The following BSX variants were observed in gnomAD, a reference collection of about 807,000 sequenced individuals.
BSX encodes brain specific homeobox.
A neutral mutation model predicts 16.9 loss-of-function variants in BSX; 12 were observed. That is an observed-to-expected ratio of 0.71 (90% CI 0.46 to 1.15). BSX has a LOEUF of 1.15. BSX is among the 50% of genes most tolerant of loss of function. The pLI is 0.00. For synonymous variants in BSX, 160 were observed against 136.4 expected, an observed-to-expected ratio of 1.17 and a Z score of -1.20; for missense variants, 292 against 311.8, an observed-to-expected ratio of 0.94 and a Z score of 0.48.
chr11:122,978,790 CTTTTCTTTTTTTTTTTTTT>C (rs1864529405), intron 2 of BSX, among the ~76,000 whole-genome samples: 1 of 72,088 alleles, frequency 1.4e-5, no homozygotes, highest in African/African-American at 4.7e-5. Flanking sequence ...TTTTCTTTTT[CTTTTCTTTTTTTTTTTTTT>C]TTTTTTTTTT....
chr11:122,981,080 C>G (rs188958165), intron 1 of BSX, among the ~76,000 whole-genome samples: 1 of 152,106 alleles, frequency 6.6e-6, no homozygotes, highest in African/African-American at 2.4e-5. Context: ...GAGAGATGGA[C>G]CAAAGTGGCC....
intron 1 of BSX, among the ~76,000 whole-genome samples, chr11:122,980,574 T>A (rs1005450258): frequency 1.3e-5 from 2 of 152,156 alleles, no homozygotes; most frequent in South Asian, 4.1e-4. Context: ...ACTCAACGAA[T>A]TATTCTATTC....
At position 122,977,658 on chromosome 11, in the gene BSX, G is replaced by C; in HGVS notation, c.693C>G (p.His231Gln). The C allele has an allele frequency of 6.2e-7, 1 of 1,608,778 alleles. No individual in the cohort carries two copies. Among genetic ancestry groups the C allele is most frequent in the South Asian group, 1.1e-5 (1 of 91,006 alleles). Reference protein sequence around the residue: ...GDEGELGSGPHVL With the variant: ...GDEGELGSGPQVL ...TCCCCAGCCTGGCGGCTCAGAGCAC[G>C]TGCGGCCCTGAGCCCAGCTCCCCCT... is the stretch of plus-strand genomic sequence containing the variant. Residue 231 changes from histidine to glutamine, a missense_variant, in exon 3 of 3, where the codon CAC becomes CAG. His to Gln is a conservative substitution (Grantham distance 24). Transcript: ENST00000343035. This position sits in a 1 kb window ranked among gnomAD's most constrained non-coding sequence, Gnocchi z 4.5.
chr11:122,978,043 A>C lies in BSX; in HGVS notation c.460-152T>G, dbSNP rs1050597956. 5 of 873,508 alleles carry C rather than the reference A, an allele frequency of 5.7e-6. No individual in the cohort carries two copies. The African/African-American group carries it at 8.5e-5, about 15-fold the overall frequency. 54.1% of individuals were successfully genotyped at this position (873,508 alleles called of 1,614,324 possible). On this transcript the variant is annotated intron_variant, in intron 2 of 2. Coordinates refer to ENST00000343035, the MANE Select transcript of BSX (RefSeq NM_001098169.2). Reference sequence around the variant, plus strand: ...ATAAGTTATCGCCTTAAGCCGAATGAGAATCGAACAGTCTGAGGCTTTCAG... The same window carrying C: ...ATAAGTTATCGCCTTAAGCCGAATGCGAATCGAACAGTCTGAGGCTTTCAG...
chr11:122,979,124 A>G, intron 2 of BSX, 137 bp downstream of exon 2: 1 of 901,056 alleles, frequency 1.1e-6, no homozygotes, highest in Non-Finnish European at 1.7e-6. Context: ...AATTTTACGA[A>G]AGCTCTTGGG....
rs760509770 is a variant in BSX, at chr11:122,981,469, TGAG to T, written c.200_202del (p.Pro67del). ...TCCCTTATGCAGAGGGTGATGGGCG[TGAG>T]GAGCCAAGAGGGTGGGTGTGGGCAT... On this transcript the variant is annotated inframe_deletion, in exon 1 of 3. Transcript: ENST00000343035. The T allele has an allele frequency of 6.3e-7, 1 of 1,576,156 alleles. No homozygotes were observed. The highest frequency in any genetic ancestry group is 1.9e-5 in the Admixed American group (1 of 53,602).
Position 122,977,746 on chromosome 11 carries a change from A to G in BSX, c.605T>C (p.Leu202Pro). The stretch of plus-strand genomic sequence containing the variant: ...CACGAAGGGACCGGCGGGCAGGCTC[A>G]GCCGAGCCTCGGCGGCGGTGGCGGC... The part of the protein sequence containing the change: ...SEAATAAEAR[L>P]SLPAGPFVLT... The change falls in exon 3 of 3, where the codon CTG becomes CCG. Residue 202 changes from leucine to proline, a missense_variant. Leu to Pro is a moderately conservative substitution (Grantham distance 98). This residue lies in a region of BSX where 107 missense variants were observed against 97.1 expected (regional missense o/e 1.10). Transcript: ENST00000343035. The surrounding 1 kb of genome is among the most constrained non-coding windows in gnomAD (Gnocchi z 4.5). 1 of 1,610,726 alleles carries G rather than the reference A, an allele frequency of 6.2e-7. No homozygotes were observed. The highest frequency in any genetic ancestry group is 8.5e-7 in the Non-Finnish European group (1 of 1,179,510).
intron 2 of BSX, among the ~76,000 whole-genome samples, chr11:122,979,040 G>A (rs966250933): frequency 6.6e-6 from 1 of 152,006 alleles, no homozygotes; most frequent in Non-Finnish European, 1.5e-5. Flanking sequence ...TCCTGACCTC[G>A]TGATCCGCCC....
intron 1 of BSX, 34 bp from the exon 2 acceptor site, chr11:122,979,491 G>A (rs759741304): frequency 3.9e-5 from 62 of 1,571,944 alleles, no homozygotes; most frequent in Non-Finnish European, 4.9e-5. Context: ...TGGGCAGAGC[G>A]TGGGTCGCCG....
chr11:122,977,829 G>T lies in BSX; in HGVS notation c.522C>A (p.Asp174Glu), dbSNP rs769586039. ...KHKKQLRKSQ[D>E]EPKAPDGPES... ...CTGGCCCGTCTGGTGCTTTGGGTTC[G>T]TCTTGGCTTTTCCGCAGTTGCTTTT... Residue 174 changes from aspartate to glutamate, a missense_variant, in exon 3 of 3, where the codon GAC (aspartate) becomes GAA (glutamate). Physicochemically the swap from Asp to Glu is conservative, Grantham distance 45. Around this residue, in one of 3 missense-constraint regions of BSX, gnomAD observed 107 missense variants for 97.1 expected, o/e 1.10. Coordinates refer to ENST00000343035, the MANE Select transcript of BSX (RefSeq NM_001098169.2). This position sits in a 1 kb window ranked among gnomAD's most constrained non-coding sequence, Gnocchi z 4.5. 2 of 1,614,016 alleles carry T rather than the reference G, an allele frequency of 1.2e-6. No individual in the cohort carries two copies. The highest frequency in any genetic ancestry group is 2.2e-5 in the East Asian group (1 of 44,880).
chr11:122,980,300 G>A (rs1864553788), intron 1 of BSX, among the ~76,000 whole-genome samples: 1 of 152,080 alleles, frequency 6.6e-6, no homozygotes, highest in African/African-American at 2.4e-5. Flanking sequence ...AAGCAACATC[G>A]GCCAATCCCA....
At chr11:122,979,524 C>G (rs569356947) in intron 1 of BSX, 67 bp from the exon 2 acceptor site, 1 of 1,375,272 alleles carries the variant, frequency 7.3e-7, no homozygotes, top group Non-Finnish European at 1.0e-6. Context: ...CGCTCCGCTC[C>G]CCTCCCCTCC....
intron 2 of BSX, 45 bp downstream of exon 2, chr11:122,979,216 A>G: frequency 6.5e-7 from 1 of 1,548,596 alleles, no homozygotes; most frequent in South Asian, 1.2e-5. Flanking sequence ...TTGAAGGCAG[A>G]GAGGAACGAA....
chr11:122,978,789 TCTTTTC>T (rs1864529277), intron 2 of BSX, among the ~76,000 whole-genome samples: 1 of 111,638 alleles, frequency 9.0e-6, no homozygotes. Context: ...TTTTTCTTTT[TCTTTTC>T]TTTTTTTTTT....
chr11:122,981,809 C>A lies in BSX; in HGVS notation c.-138G>T. ...CTGCTCTCTCCCGGGCCTGGGCTAC[C>A]CCGGGCGCTGGAGAGGCAAGAAGAC... On this transcript the variant is annotated 5_prime_UTR_variant, in exon 1 of 3. Transcript: ENST00000343035. The A allele has an allele frequency of 1.1e-6, 1 of 925,260 alleles. No individual in the cohort carries two copies. Among genetic ancestry groups the A allele is most frequent in the East Asian group, 2.7e-5 (1 of 36,654 alleles). 57.3% of individuals were successfully genotyped at this position (925,260 alleles called of 1,614,324 possible).
At chr11:122,979,895 GA>G (rs2135401202) in intron 1 of BSX, among the ~76,000 whole-genome samples, 1 of 152,118 alleles carries the variant, frequency 6.6e-6, no homozygotes, top group South Asian at 2.1e-4. Flanking sequence ...CTAGACCCCT[GA>G]TGACACTCAT....
intron 2 of BSX, among the ~76,000 whole-genome samples, chr11:122,978,292 C>T (rs1179711200): frequency 6.6e-6 from 1 of 152,102 alleles, no homozygotes; most frequent in African/African-American, 2.4e-5. Context: ...AAAATCAGAC[C>T]CGGGCCTGGC....
intron 1 of BSX, 91 bp from the exon 2 acceptor site, chr11:122,979,548 G>T: frequency 9.2e-7 from 1 of 1,088,910 alleles, no homozygotes; most frequent in Non-Finnish European, 1.3e-6. Flanking sequence ...AGCCCCCAGT[G>T]CCTTCCTCCG....
intron 2 of BSX, 64 bp downstream of exon 2, chr11:122,979,197 T>C: frequency 7.0e-7 from 1 of 1,433,810 alleles, no homozygotes; most frequent in Non-Finnish European, 9.6e-7. Flanking sequence ...GTCCCGAAGG[T>C]ATTAAGACTT....
Sources: allele counts gnomAD v4.1 joint callset (sites outside exome capture counted in the v4.1 genomes callset), GRCh38; gene constraint gnomAD v4.1.1; regional missense constraint gnomAD v4.1.1; non-coding constraint Gnocchi (gnomAD v3.1); transcripts MANE v1.5; gene names NCBI Gene and HGNC (gene_info 2026-07-23, HGNC 2026-07-21).